The following SGCD variants were observed in gnomAD, a reference collection of about 807,000 sequenced individuals.
The protein encoded by SGCD is delta-sarcoglycan.
SGCD carries 18 observed loss-of-function variants against 36.6 expected under a neutral mutation model. The observed-to-expected ratio is 0.49, with a 90% CI of 0.34 to 0.73. The LOEUF (loss-of-function observed/expected upper bound fraction) is 0.73. Among genes scored for constraint, SGCD ranks in the 30% least tolerant of loss-of-function variants. The probability of loss-of-function intolerance (pLI) is 0.01; values close to 1 mark genes in which losing one functional copy is unlikely to be tolerated. For synonymous variants in SGCD, 133 were observed against 130.6 expected, an observed-to-expected ratio of 1.02 and a Z score of -0.12; for missense variants, 387 against 346.7, an observed-to-expected ratio of 1.12 and a Z score of -0.92.
chr5:156,038,367 T>A (rs1302445797), intron 1 of SGCD, among the ~76,000 whole-genome samples: 1 of 151,912 alleles, frequency 6.6e-6, no homozygotes, highest in Non-Finnish European at 1.5e-5. Flanking sequence ...TGGGATAGCA[T>A]AAAGTAGGTC....
intron 3 of SGCD, among the ~76,000 whole-genome samples, chr5:156,482,489 G>A (rs769362614): frequency 7.2e-5 from 11 of 152,100 alleles, no homozygotes; most frequent in South Asian, 2.1e-4. Context: ...CTTGAAGAAA[G>A]GGTCATATGT....
intron 1 of SGCD, among the ~76,000 whole-genome samples, chr5:156,003,951 A>G (rs1016457040): frequency 2.6e-5 from 4 of 152,230 alleles, no homozygotes; most frequent in Non-Finnish European, 5.9e-5. Context: ...TATATCAGGA[A>G]CAAAGATAGA....
chr5:156,215,865 T>A (rs116672834), intron 3 of SGCD, among the ~76,000 whole-genome samples: 1 of 152,334 alleles, frequency 6.6e-6, no homozygotes, highest in African/African-American at 2.4e-5. Context: ...AATCAGTATG[T>A]CAAAGATATA....
At chr5:156,676,394 T>A (rs887679567) in intron 7 of SGCD, among the ~76,000 whole-genome samples, 1 of 152,224 alleles carries the variant, frequency 6.6e-6, no homozygotes, top group Non-Finnish European at 1.5e-5. Context: ...GTAGACACCC[T>A]CTGTGGCCAT....
rs141980434 is a variant in SGCD, at chr5:156,009,096, C to A, written c.-281-108782C>A. On this transcript the variant is annotated intron_variant, in intron 1 of 9. Coordinates refer to the SGCD transcript ENST00000517913. ...GAGCGAAGGAGGGGGTGTCTCCAGT[C>A]CCACTGCCAGGTTACTTCAGCAGGT... 7.1e-3 allele frequency among the ~76,000 whole-genome samples: 1,086 copies of A among 152,204 alleles called. 14 individuals carry two copies. Among genetic ancestry groups the A allele is most frequent in the African/African-American group, 0.025 (1,045 of 41,528 alleles).
chr5:155,782,608 A>G, the SGCD span, among the ~76,000 whole-genome samples: 1 of 152,130 alleles, frequency 6.6e-6, no homozygotes. Context: ...GTTCTAAGGC[A>G]GGGGGTCTCT....
intron 3 of SGCD, among the ~76,000 whole-genome samples, chr5:156,260,195 A>G (rs558239595): frequency 6.6e-6 from 1 of 152,324 alleles, no homozygotes; most frequent in African/African-American, 2.4e-5. Flanking sequence ...TATGTCCTCT[A>G]AAGTTATACC....
chr5:155,822,456 C>T, the SGCD span, among the ~76,000 whole-genome samples: 2 of 152,136 alleles, frequency 1.3e-5, no homozygotes, highest in South Asian at 4.1e-4. Context: ...CTGAAATTGA[C>T]GTGAAGCACA....
At chr5:156,096,824 G>T (rs1008655927) in intron 1 of SGCD, among the ~76,000 whole-genome samples, 1 of 152,178 alleles carries the variant, frequency 6.6e-6, no homozygotes, top group South Asian at 2.1e-4. Flanking sequence ...CAAATTCCAA[G>T]ATTCTTTTAT....
intron 3 of SGCD, among the ~76,000 whole-genome samples, chr5:156,396,527 C>G (rs183056261): frequency 6.6e-6 from 1 of 152,110 alleles, no homozygotes; most frequent in Non-Finnish European, 1.5e-5. Flanking sequence ...CCTTGTTGGA[C>G]TTCTCAACCG....
intron 1 of SGCD, among the ~76,000 whole-genome samples, chr5:156,082,883 G>A (rs1441656549): frequency 6.6e-6 from 1 of 151,984 alleles, no homozygotes; most frequent in Non-Finnish European, 1.5e-5. Flanking sequence ...CTGCCAGTAT[G>A]TATATGTGAT....
intron 3 of SGCD, among the ~76,000 whole-genome samples, chr5:156,217,311 G>C (rs1764601098): frequency 1.3e-5 from 2 of 152,106 alleles, no homozygotes; most frequent in South Asian, 4.1e-4. Flanking sequence ...TTTTAATACT[G>C]TAGTGAAACG....
chr5:155,814,366 C>CT, the SGCD span, among the ~76,000 whole-genome samples: 1 of 152,182 alleles, frequency 6.6e-6, no homozygotes, highest in East Asian at 1.9e-4. Context: ...CTTTATCCTC[C>CT]AACACTGGTT....
At chr5:156,568,471 A>C (rs1425610447) in intron 4 of SGCD, among the ~76,000 whole-genome samples, 2 of 152,220 alleles carry the variant, frequency 1.3e-5, no homozygotes, top group Non-Finnish European at 2.9e-5. Flanking sequence ...CTGGCTGCAG[A>C]ATGTAACCGA....
the SGCD span, among the ~76,000 whole-genome samples, chr5:155,826,092 G>A: frequency 6.6e-6 from 1 of 152,162 alleles, no homozygotes; most frequent in Non-Finnish European, 1.5e-5. Flanking sequence ...CACTGAAAAG[G>A]TGAATCCTAT....
intron 1 of SGCD, among the ~76,000 whole-genome samples, chr5:156,044,060 C>T (rs746359136): frequency 6.6e-6 from 1 of 152,018 alleles, no homozygotes; most frequent in Non-Finnish European, 1.5e-5. Context: ...GTCAAAGAGC[C>T]CCTAAGCACC....
chr5:156,284,151 T>C (rs1425867876), intron 3 of SGCD, among the ~76,000 whole-genome samples: 2 of 152,094 alleles, frequency 1.3e-5, no homozygotes, highest in African/African-American at 4.8e-5. Context: ...AATAGACCAA[T>C]AACAGGCTCT....
chr5:156,548,967 T>G lies in SGCD; in HGVS notation c.295-40264T>G, dbSNP rs150099812. 2.8e-4 allele frequency among the ~76,000 whole-genome samples: 43 copies of G among 152,038 alleles called. 1 individual carries two copies. Among genetic ancestry groups the G allele is most frequent in the African/African-American group, 9.9e-4 (41 of 41,412 alleles). ...TTTCAAATTTGATTCAGCCTTGAGC[T>G]CCTTAAGGTTCTGTCAACCTAGAAT... On this transcript the variant is annotated intron_variant, in intron 4 of 8. Coordinates refer to ENST00000337851, the MANE Select transcript of SGCD (RefSeq NM_000337.6).
chr5:155,747,275 G>T, the SGCD span, among the ~76,000 whole-genome samples: 1 of 152,186 alleles, frequency 6.6e-6, no homozygotes, highest in African/African-American at 2.4e-5. Context: ...ATAGAACACA[G>T]TAAGTGGGGT....
Sources: allele counts gnomAD v4.1 joint callset (sites outside exome capture counted in the v4.1 genomes callset), GRCh38; gene constraint gnomAD v4.1.1; transcripts MANE v1.5; gene names NCBI Gene and HGNC (gene_info 2026-07-23, HGNC 2026-07-21).